The following DPYD variants were observed in gnomAD, a reference collection of about 807,000 sequenced individuals.
DPYD encodes the protein dihydropyrimidine dehydrogenase, also known as dihydropyrimidine dehydrogenase [NADP(+)].
DPYD carries 109 observed loss-of-function variants against 116.2 expected under a neutral mutation model. That is an observed-to-expected ratio of 0.94 (90% confidence interval 0.80 to 1.10). DPYD has a LOEUF of 1.10. Ranked by LOEUF, DPYD falls within the 50% of genes least tolerant of loss-of-function variation. DPYD has a pLI of 0.00. For missense variants in DPYD, 1,302 were observed against 1,254.5 expected, an observed-to-expected ratio of 1.04 and a Z score of -0.57; for synonymous variants, 440 against 432.0, an observed-to-expected ratio of 1.02 and a Z score of -0.23.
chr1:97,829,097 T>C (rs1192580521), intron 2 of DPYD, among the ~76,000 whole-genome samples: 1 of 151,836 alleles, frequency 6.6e-6, no homozygotes, highest in Non-Finnish European at 1.5e-5. Context: ...TCTTATGGAA[T>C]TTACTAGTAT....
intron 8 of DPYD, among the ~76,000 whole-genome samples, chr1:97,668,488 T>A (rs1302103180): frequency 2.0e-5 from 3 of 152,128 alleles, no homozygotes; most frequent in African/African-American, 7.2e-5. Flanking sequence ...ACAAAGTTCT[T>A]ATTTTTAAAA....
intron 3 of DPYD, among the ~76,000 whole-genome samples, chr1:97,813,991 G>A (rs1341452272): frequency 1.3e-5 from 2 of 151,518 alleles, no homozygotes; most frequent in Non-Finnish European, 2.9e-5. Context: ...AGTTCTGCAA[G>A]AGGAATGAGT....
At chr1:97,737,991 A>C (rs984571644) in intron 4 of DPYD, among the ~76,000 whole-genome samples, 7 of 152,280 alleles carry the variant, frequency 4.6e-5, no homozygotes, top group Middle Eastern at 3.4e-3. Flanking sequence ...TTATCTATAC[A>C]CAAAAGCCAC....
chr1:97,280,246 A>C (rs1319578625), intron 18 of DPYD: 1 of 152,192 alleles, frequency 6.6e-6, no homozygotes, highest in Non-Finnish European at 1.5e-5. Flanking sequence ...CAAAACAAAT[A>C]ATCAAAATAA....
chr1:97,397,686 T>C (rs1210041719), intron 14 of DPYD, among the ~76,000 whole-genome samples: 1 of 152,108 alleles, frequency 6.6e-6, no homozygotes, highest in East Asian at 1.9e-4. Flanking sequence ...CATGTTTTCA[T>C]GGCTTGATAT....
intron 8 of DPYD, among the ~76,000 whole-genome samples, chr1:97,677,298 T>A (rs995895517): frequency 6.6e-6 from 1 of 152,196 alleles, no homozygotes; most frequent in Non-Finnish European, 1.5e-5. Flanking sequence ...ATACATGTAT[T>A]AATAATTGTA....
chr1:97,401,938 A>C (rs1028449936), intron 14 of DPYD, among the ~76,000 whole-genome samples: 1 of 152,056 alleles, frequency 6.6e-6, no homozygotes, highest in African/African-American at 2.4e-5. Flanking sequence ...TGATTTAATT[A>C]TGTGGGTCTA....
intron 20 of DPYD, among the ~76,000 whole-genome samples, chr1:97,126,722 C>T (rs1200444580): frequency 6.6e-6 from 1 of 152,164 alleles, no homozygotes; most frequent in Non-Finnish European, 1.5e-5. Flanking sequence ...CTGTCTGTCA[C>T]AGACAACTGT....
At chr1:97,873,356 G>C (rs558025611) in intron 2 of DPYD, among the ~76,000 whole-genome samples, 3 of 151,732 alleles carry the variant, frequency 2.0e-5, no homozygotes, top group Non-Finnish European at 4.4e-5. Flanking sequence ...TTCTTTAAGG[G>C]GGTTCATTAC....
chr1:97,913,929 T>C (rs1390826611), intron 1 of DPYD, among the ~76,000 whole-genome samples: 1 of 152,006 alleles, frequency 6.6e-6, no homozygotes, highest in Non-Finnish European at 1.5e-5. Flanking sequence ...TGTAATTTTG[T>C]GTGGGTCCCC....
chr1:97,618,835 C>G (rs1260525244), intron 8 of DPYD, among the ~76,000 whole-genome samples: 3 of 152,142 alleles, frequency 2.0e-5, no homozygotes, highest in African/African-American at 7.2e-5. Flanking sequence ...GCACGGGGTT[C>G]CTTGCCCATA....
intron 8 of DPYD, among the ~76,000 whole-genome samples, chr1:97,653,737 C>T (rs754873745): frequency 6.6e-6 from 1 of 152,134 alleles, no homozygotes; most frequent in Non-Finnish European, 1.5e-5. Context: ...CTTCTCCTCT[C>T]ACCTTTTTAT....
At chr1:97,175,576 C>G in intron 20 of DPYD, among the ~76,000 whole-genome samples, 1 of 152,140 alleles carries the variant, frequency 6.6e-6, no homozygotes, top group Non-Finnish European at 1.5e-5. Flanking sequence ...ATTCATTCAA[C>G]AGAAGTCTTC....
At chr1:97,652,020 ATT>A (rs143188109) in intron 8 of DPYD, among the ~76,000 whole-genome samples, 3 of 151,248 alleles carry the variant, frequency 2.0e-5, no homozygotes, top group Non-Finnish European at 3.0e-5. Context: ...AATCTTTCTC[ATT>A]TTTTTTTATT....
At chr1:97,173,305 T>TATATGCACACATATGTACAC (rs1557911770) in intron 20 of DPYD, among the ~76,000 whole-genome samples, 2 of 140,318 alleles carry the variant, frequency 1.4e-5, no homozygotes, top group Non-Finnish European at 3.2e-5. Context: ...CATATGTACA[T>TATATGCACACATATGTACAC]ATATATGCAC....
chr1:97,389,349 CA>C (rs1331312242), intron 14 of DPYD, among the ~76,000 whole-genome samples: 1 of 149,304 alleles, frequency 6.7e-6, no homozygotes, highest in Admixed American at 6.7e-5. Context: ...AAAGGGAAAG[CA>C]AATTTACTAG....
At chr1:97,405,669 C>G (rs1197044835) in intron 14 of DPYD, among the ~76,000 whole-genome samples, 1 of 152,048 alleles carries the variant, frequency 6.6e-6, no homozygotes, top group Non-Finnish European at 1.5e-5. Context: ...GCATGCACCA[C>G]CATGCCCAGC....
intron 3 of DPYD, among the ~76,000 whole-genome samples, chr1:97,779,302 CA>C (rs1370992981): frequency 1.2e-5 from 1 of 83,272 alleles, no homozygotes; most frequent in Non-Finnish European, 2.9e-5. Context: ...ATTTTGCAAA[CA>C]CACACACACA....
At chr1:97,683,338 T>G (rs1372783313) in intron 7 of DPYD, among the ~76,000 whole-genome samples, 1 of 151,836 alleles carries the variant, frequency 6.6e-6, no homozygotes, top group African/African-American at 2.4e-5. Context: ...ATCACAGATA[T>G]TATTGGTTCA....
Sources: gnomAD v4.1 joint callset for allele counts (sites outside exome capture counted in the v4.1 genomes callset) on GRCh38, gnomAD v4.1.1 for gene constraint, MANE v1.5 for transcripts, NCBI Gene and HGNC (gene_info 2026-07-23, HGNC 2026-07-21) for gene names.